The following TULP4 variants were observed in gnomAD, a reference collection of about 807,000 sequenced individuals.
TULP4 encodes TUB like protein 4.
In TULP4, 16 loss-of-function variants were observed where a neutral mutation model predicts 129.0. That is an observed-to-expected ratio of 0.12 (90% CI 0.08 to 0.19). TULP4 has a LOEUF of 0.19. Among genes scored for constraint, TULP4 ranks in the 10% least tolerant of loss-of-function variants. TULP4 has a pLI of 1.00. For synonymous variants in TULP4, 998 were observed against 854.0 expected, an observed-to-expected ratio of 1.17 and a Z score of -2.94; for missense variants, 1,842 against 2,059.1, an observed-to-expected ratio of 0.89 and a Z score of 2.04.
At chr6:158,452,331 C>G in intron 5 of TULP4, 63 bp downstream of exon 5, 9 of 1,586,436 alleles carry the variant, frequency 5.7e-6, no homozygotes, top group East Asian at 2.2e-5. Context: ...GCCTCAAGGC[C>G]GGTCTTGTAC....
At chr6:158,341,367 T>C (rs1780177030) in intron 1 of TULP4, among the ~76,000 whole-genome samples, 1 of 152,244 alleles carries the variant, frequency 6.6e-6, no homozygotes, top group Non-Finnish European at 1.5e-5. Context: ...TTCCATATCT[T>C]GGTTATTTGA....
intron 1 of TULP4, among the ~76,000 whole-genome samples, chr6:158,253,402 C>T (rs1778181175): frequency 6.6e-6 from 1 of 152,126 alleles, no homozygotes; most frequent in African/African-American, 2.4e-5. Flanking sequence ...CTGTCTCTGC[C>T]CTGCCGTAAG....
intron 1 of TULP4, among the ~76,000 whole-genome samples, chr6:158,374,167 G>A (rs1243134193): frequency 6.6e-6 from 1 of 152,022 alleles, no homozygotes; most frequent in Non-Finnish European, 1.5e-5. Flanking sequence ...TGCCCCTATA[G>A]CCCCAGCTAC....
intron 1 of TULP4, among the ~76,000 whole-genome samples, chr6:158,236,125 C>A (rs974168768): frequency 2.0e-5 from 3 of 152,142 alleles, no homozygotes; most frequent in Non-Finnish European, 4.4e-5. Flanking sequence ...TATAGGGCTC[C>A]TTTAAAATTC....
At chr6:158,415,913 C>T (rs1397790588) in intron 2 of TULP4, among the ~76,000 whole-genome samples, 2 of 152,102 alleles carry the variant, frequency 1.3e-5, no homozygotes, top group Non-Finnish European at 2.9e-5. Context: ...AGTTGAGGGG[C>T]AAGGAAGCCA....
chr6:158,448,855 T>G (rs1438600023), intron 3 of TULP4, 141 bp from the exon 4 acceptor site: 1 of 773,936 alleles, frequency 1.3e-6, no homozygotes, highest in Non-Finnish European at 2.0e-6. Context: ...TAACATTTTG[T>G]GTCACTGTGC....
chr6:158,439,580 G>T (rs572398205), intron 3 of TULP4, among the ~76,000 whole-genome samples: 1 of 151,506 alleles, frequency 6.6e-6, no homozygotes, highest in African/African-American at 2.4e-5. Flanking sequence ...GGTCTTTTAA[G>T]ATTGTGATTA....
upstream of TULP4, among the ~76,000 whole-genome samples, chr6:158,278,338 T>C (rs1416317080): frequency 6.6e-6 from 1 of 152,058 alleles, no homozygotes; most frequent in African/African-American, 2.4e-5. Context: ...ATTGTTTTGA[T>C]GTAGTGCATT....
At chr6:158,387,142 A>G (rs922610947) in intron 1 of TULP4, among the ~76,000 whole-genome samples, 1 of 152,204 alleles carries the variant, frequency 6.6e-6, no homozygotes, top group African/African-American at 2.4e-5. Context: ...CCCAGGGACC[A>G]CAGCAGCACT....
chr6:158,390,873 G>T (rs567113418), intron 1 of TULP4, among the ~76,000 whole-genome samples: 144 of 152,316 alleles, frequency 9.5e-4, no homozygotes, highest in African/African-American at 3.2e-3. Context: ...GGCCGCCAAG[G>T]TGGGAGCATA....
At chr6:158,428,201 T>C (rs1778546101) in intron 2 of TULP4, 2 of 152,194 alleles carry the variant, frequency 1.3e-5, no homozygotes, top group South Asian at 4.1e-4. Context: ...CAAAAATACA[T>C]AGTCAGATGA....
upstream of TULP4, among the ~76,000 whole-genome samples, chr6:158,279,977 G>C (rs769211205): frequency 6.6e-6 from 1 of 152,200 alleles, no homozygotes; most frequent in East Asian, 1.9e-4. Flanking sequence ...CACTAACTGC[G>C]TGGATAGACG....
Position 158,284,244 on chromosome 6 carries a change from C to T in TULP4, n.116+1866C>T, listed in dbSNP as rs566263478. Among the ~76,000 whole-genome samples the T allele has an allele frequency of 9.2e-5, 14 of 152,326 alleles. No homozygotes were observed. The South Asian group carries it at 2.9e-3, about 32-fold the overall frequency. On this transcript the variant is annotated intron_variant and non_coding_transcript_variant, in intron 1 of 1. Coordinates refer to the TULP4 transcript ENST00000432358. ...ACCAGGCTGGAAAACAAAACAAAAACATCCATCAGCAAATGGAGTTAAAAA... is the reference window on the plus strand; with the variant it reads ...ACCAGGCTGGAAAACAAAACAAAAATATCCATCAGCAAATGGAGTTAAAAA...
chr6:158,481,004 T>C, intron 7 of TULP4, 51 bp from the exon 8 acceptor site: 1 of 1,500,596 alleles, frequency 6.7e-7, no homozygotes, highest in Non-Finnish European at 8.9e-7. Flanking sequence ...TTTCCCTCTC[T>C]CTCTGCCTCT....
chr6:158,300,284 T>G (rs942049898), intron 1 of TULP4, among the ~76,000 whole-genome samples: 11 of 152,120 alleles, frequency 7.2e-5, no homozygotes, highest in African/African-American at 2.7e-4. Flanking sequence ...GGTCTGGGAG[T>G]TTTTCCCTAA....
At chr6:158,285,753 A>G (rs1778824274) in intron 1 of TULP4, among the ~76,000 whole-genome samples, 1 of 152,126 alleles carries the variant, frequency 6.6e-6, no homozygotes, top group Non-Finnish European at 1.5e-5. Context: ...TCTGGCCTAG[A>G]TGGACAATGT....
chr6:158,246,433 A>G (rs539840096), intron 1 of TULP4, among the ~76,000 whole-genome samples: 1 of 151,960 alleles, frequency 6.6e-6, no homozygotes, highest in South Asian at 2.1e-4. Flanking sequence ...CGGAGCTTGC[A>G]GTGAGCTGAG....
chr6:158,367,809 G>C (rs1040564231), intron 1 of TULP4, among the ~76,000 whole-genome samples: 1 of 152,010 alleles, frequency 6.6e-6, no homozygotes, highest in Non-Finnish European at 1.5e-5. Flanking sequence ...GGGAGGTTGA[G>C]GTGGGAAGAT....
rs775359215 is a variant in TULP4 at position 158,429,804 on chromosome 6, G to C, written c.450G>C (p.Leu150=). The C allele has an allele frequency of 1.2e-6, 2 of 1,614,152 alleles. No homozygotes were observed. Among genetic ancestry groups the C allele is most frequent in the Non-Finnish European group, 8.5e-7 (1 of 1,180,020 alleles). Residue 150 remains leucine (L), a synonymous_variant, in exon 3 of 14, where the codon CTG becomes CTC. Transcript: ENST00000367097. The part of the protein sequence containing the change: ...ALISYRDGFV[L]VGSVSGQRHW... ...TTTCCTATCGAGATGGGTTTGTCCT[G>C]GTTGGGTCTGTCAGTGGACAAAGAC...
Sources: gnomAD v4.1 joint callset for allele counts (sites outside exome capture counted in the v4.1 genomes callset) on GRCh38, gnomAD v4.1.1 for gene constraint, MANE v1.5 for transcripts, NCBI Gene and HGNC (gene_info 2026-07-23, HGNC 2026-07-21) for gene names.